The following CDKN2AIP variants were observed in gnomAD, a reference collection of about 807,000 sequenced individuals.
CDKN2AIP encodes CDKN2A interacting protein.
CDKN2AIP carries 12 observed loss-of-function variants against 44.1 expected under a neutral mutation model. The ratio of observed to expected loss-of-function variants is 0.27; its 90% confidence interval spans 0.17 to 0.44. CDKN2AIP has a LOEUF of 0.44. Among genes scored for constraint, CDKN2AIP ranks in the 20% least tolerant of loss-of-function variants. CDKN2AIP has a pLI of 1.00. For synonymous variants in CDKN2AIP, 291 were observed against 272.1 expected, an observed-to-expected ratio of 1.07 and a Z score of -0.68; for missense variants, 705 against 681.6, an observed-to-expected ratio of 1.03 and a Z score of -0.38.
chr4:183,444,718 G>C lies in CDKN2AIP; in HGVS notation c.-80G>C. 1 of 1,395,680 alleles carries C rather than the reference G, an allele frequency of 7.2e-7. No individual in the cohort carries two copies. The highest frequency in any genetic ancestry group is 1.5e-5 in the South Asian group (1 of 67,366). The allele number at this position is 1,395,680 out of a possible 1,614,324, so 86.5% of individuals were successfully genotyped here. A position where few individuals can be genotyped will look rare whatever the true frequency, so the allele number is the denominator to read the frequency against. ...CGTTATCTGGAGGGCCGCGGGTGCA[G>C]GCCGCAGTGACAGGGCCGCTCGCCC... On this transcript the variant is annotated 5_prime_UTR_variant, in exon 1 of 3. Coordinates refer to ENST00000504169, the MANE Select transcript of CDKN2AIP (RefSeq NM_017632.4).
chr4:183,445,471 T>G, intron 1 of CDKN2AIP, 64 bp from the exon 2 acceptor site: 1 of 1,322,496 alleles, frequency 7.6e-7, no homozygotes, highest in Middle Eastern at 1.9e-4. Context: ...CTGTGGCCTG[T>G]TTTTTGCACA....
chr4:183,446,355 C>T lies in CDKN2AIP; in HGVS notation c.671C>T (p.Thr224Met), dbSNP rs755325470. The T allele has an allele frequency of 2.5e-6, 4 of 1,614,012 alleles. No individual in the cohort carries two copies. The highest frequency in any genetic ancestry group is 3.4e-6 in the Non-Finnish European group (4 of 1,179,928). The change falls in exon 3 of 3, where the codon ACG becomes ATG. Residue 224 changes from threonine (T) to methionine (M), a missense_variant. By Grantham distance (81) the Thr-to-Met change is moderately conservative (BLOSUM62 -1). This residue lies in a region of CDKN2AIP where 592 missense variants were observed against 518.0 expected (regional missense o/e 1.14). Transcript: ENST00000504169. ...AGCAGCGTTTCCTCTCAGGTAACAA[C>T]GGCAGGATCTGGGAAAGCTTCTGAA... Reference protein sequence around the residue: ...SSSSVSSQVTTAGSGKASEAE... With the variant: ...SSSSVSSQVTMAGSGKASEAE...
In CDKN2AIP at chr4:183,446,183, C is replaced by T; in HGVS notation, c.499C>T (p.Arg167Cys). Residue 167 changes from arginine (R) to cysteine (C), a missense_variant, in exon 3 of 3, where the codon CGT becomes TGT. By Grantham distance (180) the Arg-to-Cys change is radical. This residue lies in a region of CDKN2AIP where 592 missense variants were observed against 518.0 expected (regional missense o/e 1.14). Transcript: ENST00000504169. ...CGCAAAAACCTCTGCCAAGACAGAA[C>T]GTGCATCAGCTCAGCAGGAAAACAG... ...DHAKTSAKTE[R>C]ASAQQENSST... 1 of 1,614,118 alleles carries T rather than the reference C, an allele frequency of 6.2e-7. No homozygotes were observed. The highest frequency in any genetic ancestry group is 8.5e-7 in the Non-Finnish European group (1 of 1,179,948).
In CDKN2AIP at chr4:183,446,358, C is replaced by T. The variant is rs753184856; in HGVS notation, c.674C>T (p.Ala225Val). The change falls in exon 3 of 3, where the codon GCA becomes GTA. Residue 225 changes from alanine (A) to valine (V), a missense_variant. By Grantham distance (64) the Ala-to-Val change is moderately conservative. Coordinates refer to ENST00000504169, the MANE Select transcript of CDKN2AIP (RefSeq NM_017632.4). ...AGCGTTTCCTCTCAGGTAACAACGG[C>T]AGGATCTGGGAAAGCTTCTGAAGCA... ...SSSVSSQVTT[A>V]GSGKASEAEA... is the part of the protein sequence containing the mutation. 5 of 1,613,852 alleles carry T rather than the reference C, an allele frequency of 3.1e-6. No individual in the cohort carries two copies. The African/African-American group carries it at 5.3e-5, about 17-fold the overall frequency.
rs73870527 is a variant in CDKN2AIP at position 183,446,728 on chromosome 4, G to A, written c.1044G>A (p.Lys348=). The A allele has an allele frequency of 2.5e-3, 4,100 of 1,614,106 alleles. 88 individuals carry two copies. The African/African-American group carries it at 0.047, about 19-fold the overall frequency. ...SSSGTSLLTP[K]SSSSTNTSLL... is the part of the protein sequence containing the mutation. ...CAGGCACATCCTTACTGACTCCCAA[G>A]AGCAGCTCTTCAACAAATACATCGC... Residue 348 remains lysine (K), a synonymous_variant, in exon 3 of 3, where the codon AAG becomes AAA. Transcript: ENST00000504169.
chr4:183,445,501 C>T, intron 1 of CDKN2AIP, 34 bp from the exon 2 acceptor site: 15 of 1,581,442 alleles, frequency 9.5e-6, no homozygotes, highest in Non-Finnish European at 1.3e-5. Context: ...TTAGAAAAAA[C>T]ACTTTTTAAA....
At position 183,444,720 on chromosome 4, in the gene CDKN2AIP, C is replaced by G; in HGVS notation, c.-78C>G. The G allele has an allele frequency of 7.2e-7, 1 of 1,398,280 alleles. No homozygotes were observed. Among genetic ancestry groups the G allele is most frequent in the South Asian group, 1.5e-5 (1 of 67,580 alleles). 86.6% of individuals were successfully genotyped at this position (1,398,280 alleles called of 1,614,324 possible). On this transcript the variant is annotated 5_prime_UTR_variant, in exon 1 of 3. Coordinates refer to ENST00000504169, the MANE Select transcript of CDKN2AIP (RefSeq NM_017632.4). ...TTATCTGGAGGGCCGCGGGTGCAGG[C>G]CGCAGTGACAGGGCCGCTCGCCCCG...
chr4:183,446,397 A>C lies in CDKN2AIP; in HGVS notation c.713A>C (p.Lys238Thr). 1 of 1,560,538 alleles carries C rather than the reference A, an allele frequency of 6.4e-7. No homozygotes were observed. The highest frequency in any genetic ancestry group is 8.8e-7 in the Non-Finnish European group (1 of 1,141,798). ...GKASEAEAPDKHGSASFVSLL... is the reference protein window; with the variant it reads ...GKASEAEAPDTHGSASFVSLL... ...GCTTCTGAAGCAGAAGCTCCAGATA[A>C]ACACGGTTCTGCATCATTTGTTTCC... The change falls in exon 3 of 3, where the codon AAA becomes ACA. Residue 238 changes from lysine to threonine, a missense_variant. Around this residue, in one of 2 missense-constraint regions of CDKN2AIP, gnomAD observed 592 missense variants for 518.0 expected, o/e 1.14. Transcript: ENST00000504169.
chr4:183,445,150 C>G (rs1210376587), intron 1 of CDKN2AIP, 81 bp downstream of exon 1: 1 of 1,481,880 alleles, frequency 6.7e-7, no homozygotes, highest in Non-Finnish European at 9.0e-7. Context: ...CTCCGCGGGA[C>G]CGGCCTCGGC....
rs1177049143 is a variant in CDKN2AIP, at chr4:183,444,991, G to C, written c.194G>C (p.Ser65Thr). 1 of 1,605,314 alleles carries C rather than the reference G, an allele frequency of 6.2e-7. No individual in the cohort carries two copies. Among genetic ancestry groups the C allele is most frequent in the East Asian group, 2.2e-5 (1 of 44,572 alleles). Residue 65 changes from serine (S) to threonine (T), a missense_variant, in exon 1 of 3, where the codon AGC (serine) becomes ACC (threonine). This residue lies in a region of CDKN2AIP where 592 missense variants were observed against 518.0 expected (regional missense o/e 1.14). Coordinates refer to ENST00000504169, the MANE Select transcript of CDKN2AIP (RefSeq NM_017632.4). ...ASTDEAADAE[S>T]GTRNRQLQQL... ...ACGGATGAAGCTGCCGACGCCGAGA[G>C]CGGGACCCGAAACCGGCAGCTGCAG...
chr4:183,447,390 T>TA lies in CDKN2AIP; in HGVS notation c.1707dup (p.Pro570ThrfsTer30). The TA allele has an allele frequency of 2.6e-6, 4 of 1,552,920 alleles. No homozygotes were observed. The highest frequency in any genetic ancestry group is 3.5e-6 in the Non-Finnish European group (4 of 1,154,250). On this transcript the variant is annotated frameshift_variant, in exon 3 of 3. Coordinates refer to ENST00000504169, the MANE Select transcript of CDKN2AIP (RefSeq NM_017632.4). LOFTEE classifies it high-confidence loss of function. ...GATGAAGAATCGAGGCCTGTAAACT[T>TA]ACCTCCAGCACTAAAACATCCTCAA...
At chr4:183,445,509 A>T (rs775189235) in intron 1 of CDKN2AIP, 26 bp from the exon 2 acceptor site, 1 of 1,595,324 alleles carries the variant, frequency 6.3e-7, no homozygotes, top group Non-Finnish European at 8.6e-7. Context: ...AACACTTTTT[A>T]AAAATGACTT....
In CDKN2AIP at chr4:183,444,880, C is replaced by G. The variant is rs979518584; in HGVS notation, c.83C>G (p.Thr28Ser). 3.1e-6 allele frequency: 5 copies of G among 1,601,920 alleles called. No individual in the cohort carries two copies. Among genetic ancestry groups the G allele is most frequent in the Middle Eastern group, 1.7e-4 (1 of 6,024 alleles). ...GAGGCGCTGCGCTGCGACGGCGAGA[C>G]TGACAAACACTGGCGCCACCGCCGG... ...WVEALRCDGE[T>S]DKHWRHRRDF... Residue 28 changes from threonine to serine, a missense_variant, in exon 1 of 3, where the codon ACT becomes AGT. Thr to Ser is a moderately conservative substitution (Grantham distance 58). Transcript: ENST00000504169.
chr4:183,445,140 C>T, intron 1 of CDKN2AIP, 71 bp downstream of exon 1: 5 of 1,498,318 alleles, frequency 3.3e-6, no homozygotes, highest in East Asian at 2.3e-5. Context: ...GCCCGGCGCC[C>T]TCCGCGGGAC....
chr4:183,446,770 C>T lies in CDKN2AIP; in HGVS notation c.1086C>T (p.Ser362=). The T allele has an allele frequency of 3.1e-6, 5 of 1,614,190 alleles. No individual in the cohort carries two copies. The highest frequency in any genetic ancestry group is 4.2e-6 in the Non-Finnish European group (5 of 1,180,022). Residue 362 remains serine, a synonymous_variant, in exon 3 of 3, where the codon AGC becomes AGT. Transcript: ENST00000504169. The part of the protein sequence containing the change: ...STNTSLLTSK[S]TSQVAASLLA... ...ATACATCGCTGCTAACTTCCAAGAG[C>T]ACTTCCCAGGTAGCTGCATCACTAC...
In CDKN2AIP at chr4:183,444,920, C is replaced by T; in HGVS notation, c.123C>T (p.Arg41=). 6.2e-7 allele frequency: 1 copy of T among 1,610,790 alleles called. No individual in the cohort carries two copies. The highest frequency in any genetic ancestry group is 8.5e-7 in the Non-Finnish European group (1 of 1,178,826). ...HWRHRRDFLL[R]NAGDLAPAGG... The stretch of plus-strand genomic sequence containing the variant: ...GCCACCGCCGGGATTTTTTGCTTCG[C>T]AACGCCGGGGACCTGGCCCCCGCTG... Residue 41 remains arginine, a synonymous_variant, in exon 1 of 3, where the codon CGC becomes CGT. Transcript: ENST00000504169.
In CDKN2AIP at chr4:183,447,318, G is replaced by A; in HGVS notation, c.1634G>A (p.Cys545Tyr). Residue 545 changes from cysteine to tyrosine, a missense_variant, in exon 3 of 3, where the codon TGT becomes TAT. Coordinates refer to ENST00000504169, the MANE Select transcript of CDKN2AIP (RefSeq NM_017632.4). Reference sequence around the variant, plus strand: ...AAGAAAAAGGTGGTGGTAAAAATATGTAAAAGGAAATACAGAGGCAGTGAA... The same window carrying A: ...AAGAAAAAGGTGGTGGTAAAAATATATAAAAGGAAATACAGAGGCAGTGAA... ...FLKKKVVVKI[C>Y]KRKYRGSEIE... is the part of the protein sequence containing the mutation. 6.2e-7 allele frequency: 1 copy of A among 1,612,238 alleles called. No individual in the cohort carries two copies. The highest frequency in any genetic ancestry group is 8.5e-7 in the Non-Finnish European group (1 of 1,179,278).
chr4:183,445,061 C>G lies in CDKN2AIP; in HGVS notation c.264C>G (p.Leu88=), dbSNP rs777539793. Reference sequence around the variant, plus strand: ...TGGCCTGGGCGAACCACGTCTTCCTCGGGTGCCGGTGAGTGAGGCAGCGTC... The same window carrying G: ...TGGCCTGGGCGAACCACGTCTTCCTGGGGTGCCGGTGAGTGAGGCAGCGTC... ...FSMAWANHVF[L]GCRYPQKVMD... The change falls in exon 1 of 3, where the codon CTC becomes CTG. Residue 88 remains leucine, a synonymous_variant. Transcript: ENST00000504169. 6.3e-7 allele frequency: 1 copy of G among 1,582,790 alleles called. No individual in the cohort carries two copies. Among genetic ancestry groups the G allele is most frequent in the African/African-American group, 1.3e-5 (1 of 74,208 alleles).
chr4:183,447,742 C>G lies in CDKN2AIP; in HGVS notation c.*315C>G, dbSNP rs1183625593. 5.3e-6 allele frequency: 1 copy of G among 187,006 alleles called. No individual in the cohort carries two copies. The highest frequency in any genetic ancestry group is 5.9e-5 in the Admixed American group (1 of 16,968). 11.6% of individuals were successfully genotyped at this position (187,006 alleles called of 1,614,324 possible). A position where few individuals can be genotyped will look rare whatever the true frequency, so the allele number is the denominator to read the frequency against. ...AGTCCTAAAATTTTTGTACTACTTT[C>G]AATTTGGTGAAAATGTATTAAGTTG... On this transcript the variant is annotated 3_prime_UTR_variant, in exon 3 of 3. Coordinates refer to ENST00000504169, the MANE Select transcript of CDKN2AIP (RefSeq NM_017632.4).
Sources: gnomAD v4.1 joint callset for allele counts on GRCh38, gnomAD v4.1.1 for gene constraint, gnomAD v4.1.1 regional missense constraint, MANE v1.5 for transcripts, NCBI Gene and HGNC (gene_info 2026-07-23, HGNC 2026-07-21) for gene names.